BBX: variants seen among roughly 807,000 people sequenced by gnomAD.
BBX encodes the protein HMG box transcription factor BBX.
BBX carries 30 observed loss-of-function variants against 100.2 expected under a neutral mutation model. The observed-to-expected ratio is 0.30, with a 90% CI of 0.22 to 0.41. The LOEUF (loss-of-function observed/expected upper bound fraction) is 0.41. Ranked by LOEUF, BBX falls within the 10% of genes least tolerant of loss-of-function variation. The pLI, the probability that BBX is intolerant of heterozygous loss-of-function variation, is 1.00. For synonymous variants in BBX, 376 were observed against 388.1 expected, an observed-to-expected ratio of 0.97 and a Z score of 0.37; for missense variants, 1,023 against 1,129.8, an observed-to-expected ratio of 0.91 and a Z score of 1.35.
chr3:107,629,618 C>T (rs1014857336), intron 2 of BBX, among the ~76,000 whole-genome samples: 2 of 152,060 alleles, frequency 1.3e-5, no homozygotes, highest in African/African-American at 4.8e-5. Flanking sequence ...TCATTCAGTG[C>T]CAAACGTGTT....
chr3:107,659,900 T>G (rs2058355596), intron 3 of BBX: 3 of 400,322 alleles, frequency 7.5e-6, no homozygotes, highest in African/African-American at 6.5e-5. Context: ...TATGACAGAT[T>G]CCCTTCGTTG....
chr3:107,703,206 A>G (rs1387925384), intron 3 of BBX, among the ~76,000 whole-genome samples: 1 of 152,206 alleles, frequency 6.6e-6, no homozygotes, highest in African/African-American at 2.4e-5. Context: ...AAGAATAGAA[A>G]TTTGGTGACT....
chr3:107,772,551 A>C, intron 10 of BBX, 77 bp from the exon 11 acceptor site: 2 of 1,389,800 alleles, frequency 1.4e-6, no homozygotes, highest in Non-Finnish European at 1.9e-6. Context: ...AAACAGATAT[A>C]ATTGAAAACT....
At chr3:107,749,158 T>C (rs1029709498) in intron 9 of BBX, among the ~76,000 whole-genome samples, 2 of 152,212 alleles carry the variant, frequency 1.3e-5, no homozygotes, top group Non-Finnish European at 2.9e-5. Context: ...ATAATGTTAT[T>C]TCATGAAGAA....
Position 107,808,442 on chromosome 3 carries a change from G to A in BBX, c.*2985G>A, listed in dbSNP as rs1410465391. ...AAAAATTGTCCTAGCCCTTCTCTGCGATGCTGGAAGTAGAAGATTGCGTCT... is the reference window on the plus strand; with the variant it reads ...AAAAATTGTCCTAGCCCTTCTCTGCAATGCTGGAAGTAGAAGATTGCGTCT... On this transcript the variant is annotated 3_prime_UTR_variant, in exon 18 of 18. Coordinates refer to ENST00000325805, the MANE Select transcript of BBX (RefSeq NM_001142568.3). 6.6e-6 allele frequency: 1 copy of A among 152,100 alleles called. No individual in the cohort carries two copies. Among genetic ancestry groups the A allele is most frequent in the Non-Finnish European group, 1.5e-5 (1 of 68,020 alleles). The allele number at this position is 152,100 out of a possible 1,614,324, so 9.4% of individuals were successfully genotyped here. A position where few individuals can be genotyped will look rare whatever the true frequency, so the allele number is the denominator to read the frequency against.
intron 2 of BBX, among the ~76,000 whole-genome samples, chr3:107,567,734 ACCT>A (rs774728318): frequency 1.3e-5 from 2 of 150,368 alleles, no homozygotes; most frequent in African/African-American, 4.9e-5. Flanking sequence ...TTTGACTTAA[ACCT>A]CCTGTATTTT....
chr3:107,550,305 T>C (rs2049562341), intron 2 of BBX, among the ~76,000 whole-genome samples: 1 of 152,100 alleles, frequency 6.6e-6, no homozygotes, highest in Non-Finnish European at 1.5e-5. Flanking sequence ...GATTAGTCAC[T>C]CTGGAGAGGT....
chr3:107,687,013 CT>C (rs1270461856), intron 3 of BBX, among the ~76,000 whole-genome samples: 4 of 151,948 alleles, frequency 2.6e-5, no homozygotes, highest in Non-Finnish European at 1.5e-5. Context: ...TAGAAATTGA[CT>C]TTTTTTAAGG....
intron 2 of BBX, among the ~76,000 whole-genome samples, chr3:107,554,608 A>T (rs2049947778): frequency 6.6e-6 from 1 of 152,140 alleles, no homozygotes; most frequent in Non-Finnish European, 1.5e-5. Context: ...TTTATTCTTT[A>T]ATTTATTCTG....
intron 2 of BBX, among the ~76,000 whole-genome samples, chr3:107,532,876 T>C (rs2048259466): frequency 6.6e-6 from 1 of 152,182 alleles, no homozygotes; most frequent in Non-Finnish European, 1.5e-5. Context: ...CTCCGGTAAA[T>C]TAATAAGCTC....
intron 10 of BBX, among the ~76,000 whole-genome samples, chr3:107,759,247 C>T (rs1458882280): frequency 1.3e-5 from 2 of 152,132 alleles, no homozygotes; most frequent in African/African-American, 4.8e-5. Context: ...ACTGGGTAGA[C>T]TTTTAATAGC....
chr3:107,748,206 A>T (rs180725226), intron 9 of BBX, among the ~76,000 whole-genome samples, 167 bp downstream of exon 9: 1 of 152,136 alleles, frequency 6.6e-6, no homozygotes, highest in African/African-American at 2.4e-5. Context: ...CTTTGATCTA[A>T]TCATAGTCAA....
chr3:107,542,251 C>T (rs1348460428), intron 2 of BBX, among the ~76,000 whole-genome samples: 1 of 152,052 alleles, frequency 6.6e-6, no homozygotes, highest in Non-Finnish European at 1.5e-5. Context: ...ATTAGAACTC[C>T]AGAACTTCTA....
chr3:107,608,299 T>C (rs976554953), intron 2 of BBX, among the ~76,000 whole-genome samples: 8 of 152,242 alleles, frequency 5.3e-5, no homozygotes, highest in African/African-American at 1.7e-4. Context: ...GGATATCGGT[T>C]TCCCAGGATC....
chr3:107,721,284 A>G (rs1198705929), intron 5 of BBX, among the ~76,000 whole-genome samples: 1 of 151,962 alleles, frequency 6.6e-6, no homozygotes, highest in East Asian at 1.9e-4. Flanking sequence ...TTTGTGAATA[A>G]TGTTTTGTCT....
At chr3:107,782,768 C>T (rs1052991077) in intron 13 of BBX, among the ~76,000 whole-genome samples, 12 of 152,056 alleles carry the variant, frequency 7.9e-5, no homozygotes, top group Non-Finnish European at 1.2e-4. Flanking sequence ...CTTCAGAATA[C>T]GGGTCATCTG....
intron 10 of BBX, among the ~76,000 whole-genome samples, chr3:107,771,508 T>G (rs983833593): frequency 1.3e-5 from 2 of 152,302 alleles, no homozygotes; most frequent in African/African-American, 4.8e-5. Flanking sequence ...AGTAGATACA[T>G]ATTACACTAA....
intron 15 of BBX, among the ~76,000 whole-genome samples, chr3:107,796,054 G>A (rs963109): frequency 0.99 from 150,763 of 152,290 alleles, 74,649 homozygotes; most frequent in Middle Eastern, 1. Flanking sequence ...ATGTAGCAAA[G>A]TTATTTTAGG....
At chr3:107,804,771 A>G (rs2070911740) in intron 17 of BBX, among the ~76,000 whole-genome samples, 1 of 150,210 alleles carries the variant, frequency 6.7e-6, no homozygotes, top group Non-Finnish European at 1.5e-5. Context: ...CTCTCTGTCC[A>G]TGTGCATGTG....
Sources: gnomAD v4.1 joint callset for allele counts (sites outside exome capture counted in the v4.1 genomes callset) on GRCh38, gnomAD v4.1.1 for gene constraint, MANE v1.5 for transcripts, NCBI Gene and HGNC (gene_info 2026-07-23, HGNC 2026-07-21) for gene names.